Variants in C8orf89 observed in about 807,000 individuals in gnomAD.
C8orf89 encodes putative uncharacterized protein C8orf89.
In C8orf89, 14 loss-of-function variants were observed where a neutral mutation model predicts 15.8. The ratio of observed to expected loss-of-function variants is 0.89; its 90% CI spans 0.59 to 1.39. C8orf89 has a LOEUF of 1.39. C8orf89 is among the 40% of genes most tolerant of loss of function. The probability of loss-of-function intolerance (pLI) is 0.00; values close to 1 mark genes in which losing one functional copy is unlikely to be tolerated. For synonymous variants in C8orf89, 55 were observed against 62.2 expected, an observed-to-expected ratio of 0.88 and a Z score of 0.54; for missense variants, 181 against 184.5, an observed-to-expected ratio of 0.98 and a Z score of 0.11.
chr8:73,245,073 G>C (rs1377607412), intron 3 of C8orf89, among the ~76,000 whole-genome samples: 2 of 152,146 alleles, frequency 1.3e-5, no homozygotes, highest in South Asian at 2.1e-4. Context: ...GCAGATAAGA[G>C]AGAATGAGAA....
rs1198590620 is a variant in C8orf89 at position 73,243,383 on chromosome 8, T to G, written c.338-1778A>C. On this transcript the variant is annotated intron_variant, in intron 3 of 3. Transcript: ENST00000624510. ...ACTCCATTCACGTGAATGTGATTAT[T>G]ACACGTTGTACGCCTGTATCAAAAT... Among the ~76,000 whole-genome samples, 4 of 152,198 alleles carry G rather than the reference T, an allele frequency of 2.6e-5. No individual in the cohort carries two copies. The East Asian group carries it at 7.7e-4, about 29-fold the overall frequency.
chr8:73,250,804 G>A (rs1446437579), intron 2 of C8orf89, among the ~76,000 whole-genome samples: 2 of 152,034 alleles, frequency 1.3e-5, no homozygotes, highest in East Asian at 3.9e-4. Context: ...CAAATTTCTT[G>A]TAACAATATT....
intron 1 of C8orf89, among the ~76,000 whole-genome samples, chr8:73,257,379 C>T (rs1486780700): frequency 2.6e-5 from 4 of 152,122 alleles, no homozygotes; most frequent in South Asian, 2.1e-4. Flanking sequence ...CTTCCACAGT[C>T]GTCACTATCC....
At chr8:73,258,628 ATT>A (rs10691611) in intron 1 of C8orf89, among the ~76,000 whole-genome samples, 355 of 137,216 alleles carry the variant, frequency 2.6e-3, no homozygotes, top group African/African-American at 8.2e-3. Flanking sequence ...TTTGGTTAGA[ATT>A]TTTTTTTTTT....
intron 3 of C8orf89, among the ~76,000 whole-genome samples, chr8:73,248,527 G>A (rs1360405559): frequency 6.6e-6 from 1 of 151,936 alleles, no homozygotes; most frequent in African/African-American, 2.4e-5. Context: ...AAATTGCTTT[G>A]GGTAGTATAG....
intron 3 of C8orf89, among the ~76,000 whole-genome samples, chr8:73,249,532 G>T (rs1001124701): frequency 4.6e-5 from 7 of 152,120 alleles, no homozygotes; most frequent in African/African-American, 1.7e-4. Flanking sequence ...ATTCAGCTGT[G>T]AATCTGTCTA....
chr8:73,283,177 A>G, the C8orf89 span, among the ~76,000 whole-genome samples: 4 of 152,220 alleles, frequency 2.6e-5, no homozygotes, highest in Admixed American at 2.0e-4. Context: ...AAAGGCAGAG[A>G]AGGAATGGAG....
the C8orf89 span, among the ~76,000 whole-genome samples, chr8:73,269,283 A>G: frequency 1.3e-5 from 2 of 152,210 alleles, no homozygotes; most frequent in African/African-American, 4.8e-5. Flanking sequence ...GAATTTGAGG[A>G]AAAGTGATTA....
the C8orf89 span, among the ~76,000 whole-genome samples, chr8:73,282,821 T>G: frequency 1.8e-4 from 28 of 152,302 alleles, no homozygotes; most frequent in South Asian, 3.5e-3. Flanking sequence ...TTTGGGAGAT[T>G]CAGCAGAGAA....
the C8orf89 span, among the ~76,000 whole-genome samples, chr8:73,269,734 T>C: frequency 3.9e-5 from 6 of 152,148 alleles, no homozygotes; most frequent in African/African-American, 4.8e-5. Flanking sequence ...CCCAGCTCCT[T>C]AGGGGCTCCC....
chr8:73,242,752 C>T (rs1343177241), intron 3 of C8orf89, among the ~76,000 whole-genome samples: 1 of 152,122 alleles, frequency 6.6e-6, no homozygotes, highest in African/African-American at 2.4e-5. Flanking sequence ...TTGGAGGTTT[C>T]TCAGAAAACC....
At chr8:73,256,852 TAAAAAAAA>T in intron 2 of C8orf89, 113 bp downstream of exon 2, 1 of 461,006 alleles carries the variant, frequency 2.2e-6, no homozygotes, top group Non-Finnish European at 3.4e-6. Context: ...ATCCTTTATG[TAAAAAAAA>T]AAAAAAAACA....
At chr8:73,268,154 G>T in the C8orf89 span, among the ~76,000 whole-genome samples, 1 of 152,178 alleles carries the variant, frequency 6.6e-6, no homozygotes. Context: ...CGTATAGGGG[G>T]TAGGGATAAT....
At chr8:73,249,738 T>C (rs1433535371) in intron 3 of C8orf89, among the ~76,000 whole-genome samples, 1 of 152,176 alleles carries the variant, frequency 6.6e-6, no homozygotes, top group Non-Finnish European at 1.5e-5. Flanking sequence ...GACTTAAAAG[T>C]AGTTTTTTGG....
At chr8:73,277,669 G>T in the C8orf89 span, 1 of 756,078 alleles carries the variant, frequency 1.3e-6, no homozygotes, top group Non-Finnish European at 2.5e-6. Context: ...TTTAAAATAA[G>T]GCTGGAAATC....
the C8orf89 span, among the ~76,000 whole-genome samples, chr8:73,268,832 T>C: frequency 6.6e-6 from 1 of 152,150 alleles, no homozygotes; most frequent in Non-Finnish European, 1.5e-5. Context: ...GGCTGGTACA[T>C]TGGGCCTTAT....
At position 73,241,350 on chromosome 8, in the gene C8orf89, A is replaced by C. The variant is rs1813000791; in HGVS notation, c.*107T>G. The C allele has an allele frequency of 3.7e-5, 30 of 812,936 alleles. No individual in the cohort carries two copies. The highest frequency in any genetic ancestry group is 4.6e-5 in the South Asian group (1 of 21,832). 50.4% of individuals were successfully genotyped at this position (812,936 alleles called of 1,614,324 possible). A position where few individuals can be genotyped will look rare whatever the true frequency, so the allele number is the denominator to read the frequency against. On this transcript the variant is annotated 3_prime_UTR_variant, in exon 4 of 4. Transcript: ENST00000624510. ...CATCTATAATGTAAAATATTTATTT[A>C]TTTACATTTCCATTTTTATATAAAT...
the C8orf89 span, among the ~76,000 whole-genome samples, chr8:73,265,808 A>C: frequency 6.6e-6 from 1 of 152,224 alleles, no homozygotes; most frequent in Non-Finnish European, 1.5e-5. Context: ...TTCCAACTGA[A>C]GTATGTTTCC....
chr8:73,274,952 A>G, the C8orf89 span, among the ~76,000 whole-genome samples: 3 of 152,206 alleles, frequency 2.0e-5, no homozygotes, highest in Non-Finnish European at 2.9e-5. Flanking sequence ...ATCCTCCTAC[A>G]AGTGGTAAGG....
Sources: gnomAD v4.1 joint callset for allele counts (sites outside exome capture counted in the v4.1 genomes callset) on GRCh38, gnomAD v4.1.1 for gene constraint, MANE v1.5 for transcripts, NCBI Gene and HGNC (gene_info 2026-07-23, HGNC 2026-07-21) for gene names.